The following LRP1B variants were observed in gnomAD, a reference collection of about 807,000 sequenced individuals.
The protein encoded by LRP1B is low-density lipoprotein receptor-related protein 1B.
Under a neutral mutation model 556.6 loss-of-function variants are expected in LRP1B, and 217 were observed. The ratio of observed to expected loss-of-function variants is 0.39; its 90% CI spans 0.35 to 0.44. The LOEUF (loss-of-function observed/expected upper bound fraction) is 0.44, where lower values mean the gene tolerates loss of function less well. Among genes scored for constraint, LRP1B ranks in the 20% least tolerant of loss-of-function variants. The probability of loss-of-function intolerance (pLI) is 1.00; values close to 1 mark genes in which losing one functional copy is unlikely to be tolerated. For missense variants in LRP1B, 5,053 were observed against 5,620.8 expected (o/e 0.90, Z 3.23); for synonymous variants, 2,047 against 1,865.8 (o/e 1.10, Z -2.50).
At chr2:140,532,709 A>G (rs1690753931) in intron 47 of LRP1B, among the ~76,000 whole-genome samples, 1 of 150,860 alleles carries the variant, frequency 6.6e-6, no homozygotes, top group African/African-American at 2.4e-5. Flanking sequence ...TGTTTTTACC[A>G]CTCTCTTATA....
chr2:141,700,831 C>T (rs1486394745), intron 2 of LRP1B, among the ~76,000 whole-genome samples: 2 of 151,772 alleles, frequency 1.3e-5, no homozygotes, highest in Non-Finnish European at 2.9e-5. Context: ...TGAGCTACCA[C>T]ATAATAAAGG....
chr2:140,458,447 G>T (rs16844010), intron 60 of LRP1B, among the ~76,000 whole-genome samples: 2,333 of 152,120 alleles, frequency 0.015, 62 homozygotes, highest in African/African-American at 0.051. Context: ...AGTGGTTTGG[G>T]TTTAAATAAT....
At chr2:141,892,652 C>T (rs943933976) in intron 1 of LRP1B, among the ~76,000 whole-genome samples, 27 of 152,028 alleles carry the variant, frequency 1.8e-4, no homozygotes, top group Non-Finnish European at 3.5e-4. Flanking sequence ...CATACTAACC[C>T]TGGAGGGAAG....
chr2:140,845,316 T>C (rs1692241624), intron 29 of LRP1B, among the ~76,000 whole-genome samples: 1 of 152,250 alleles, frequency 6.6e-6, no homozygotes, highest in African/African-American at 2.4e-5. Flanking sequence ...GAGTCTTCAT[T>C]GAGAACCTAC....
rs118003344 is a variant in LRP1B at position 140,720,574 on chromosome 2, T to C, written c.5759-3758A>G. Among the ~76,000 whole-genome samples the C allele has an allele frequency of 7.4e-3, 1,122 of 152,236 alleles. 42 individuals are homozygous for C. In the East Asian group the frequency reaches 0.11, roughly 15 times the overall value. ...AATGAGAAATATTACATTTTTTAGT[T>C]GGGAGAAAAGTTTTCCCTGGGTATT... On this transcript the variant is annotated intron_variant, in intron 35 of 90. Coordinates refer to ENST00000389484, the MANE Select transcript of LRP1B (RefSeq NM_018557.3).
chr2:141,385,047 G>A (rs539073024), intron 3 of LRP1B, among the ~76,000 whole-genome samples: 13 of 152,216 alleles, frequency 8.5e-5, no homozygotes, highest in Admixed American at 7.9e-4. Context: ...GCTGGACTCG[G>A]GGTACCCGCT....
At chr2:140,668,037 G>A (rs1685340307) in intron 41 of LRP1B, among the ~76,000 whole-genome samples, 1 of 152,110 alleles carries the variant, frequency 6.6e-6, no homozygotes, top group Non-Finnish European at 1.5e-5. Context: ...TATTGGCCAG[G>A]AGCAGTGGCT....
chr2:141,183,617 C>T (rs542359718), intron 7 of LRP1B, among the ~76,000 whole-genome samples: 2 of 152,114 alleles, frequency 1.3e-5, no homozygotes, highest in East Asian at 3.9e-4. Flanking sequence ...ACAAATAAAT[C>T]CTACAGATCA....
intron 1 of LRP1B, among the ~76,000 whole-genome samples, chr2:141,861,877 C>A (rs1177683051): frequency 5.9e-5 from 9 of 151,600 alleles, no homozygotes; most frequent in African/African-American, 2.2e-4. Context: ...TTACAGTGAG[C>A]CAAGATAGTG....
chr2:141,280,683 A>G (rs1406106850), intron 3 of LRP1B, among the ~76,000 whole-genome samples: 1 of 152,012 alleles, frequency 6.6e-6, no homozygotes, highest in Non-Finnish European at 1.5e-5. Context: ...CTACCTAGCA[A>G]ATTTTATTTT....
At chr2:141,636,695 G>A (rs1689118206) in intron 2 of LRP1B, among the ~76,000 whole-genome samples, 1 of 151,928 alleles carries the variant, frequency 6.6e-6, no homozygotes, top group Admixed American at 6.6e-5. Context: ...TCCTACAGTA[G>A]GAGAGTGGCT....
intron 35 of LRP1B, among the ~76,000 whole-genome samples, chr2:140,735,849 C>T (rs1687928658): frequency 6.6e-6 from 1 of 152,072 alleles, no homozygotes; most frequent in African/African-American, 2.4e-5. Flanking sequence ...AGATTATATA[C>T]CAATGCAGCA....
At chr2:140,616,027 T>C (rs954991763) in intron 41 of LRP1B, among the ~76,000 whole-genome samples, 2 of 152,036 alleles carry the variant, frequency 1.3e-5, no homozygotes, top group Non-Finnish European at 2.9e-5. Flanking sequence ...TAAAATTAAG[T>C]TTGGAGCAAT....
chr2:141,260,439 A>G lies in LRP1B; in HGVS notation c.344-5798T>C, dbSNP rs1037511001. 3.3e-5 allele frequency among the ~76,000 whole-genome samples: 5 copies of G among 152,218 alleles called. No individual in the cohort carries two copies. The East Asian group carries it at 9.6e-4, about 29-fold the overall frequency. On this transcript the variant is annotated intron_variant, in intron 3 of 90. Coordinates refer to ENST00000389484, the MANE Select transcript of LRP1B (RefSeq NM_018557.3). ...TATGATTTAGGAAACACATGTAAAT[A>G]AATCATGCTGACCTTCCTTAGAGTG...
intron 2 of LRP1B, among the ~76,000 whole-genome samples, chr2:141,600,885 C>T (rs577852280): frequency 5.9e-5 from 9 of 152,078 alleles, no homozygotes; most frequent in Admixed American, 2.6e-4. Context: ...AGTTGGCATC[C>T]GAACAGAACC....
intron 2 of LRP1B, among the ~76,000 whole-genome samples, chr2:141,637,573 C>T (rs550583086): frequency 4.6e-5 from 7 of 152,168 alleles, no homozygotes; most frequent in Non-Finnish European, 5.9e-5. Context: ...TAAGCTCTCA[C>T]TTCATGTTTG....
Position 140,231,944 on chromosome 2 carries a change from G to A in LRP1B, c.*1242C>T, listed in dbSNP as rs1486961. 0.32 allele frequency: 47,707 copies of A among 151,320 alleles called. 7,790 individuals carry two copies. Among genetic ancestry groups the A allele is most frequent in the East Asian group, 0.43 (2,193 of 5,068 alleles). 9.4% of individuals were successfully genotyped at this position (151,320 alleles called of 1,614,324 possible). On this transcript the variant is annotated 3_prime_UTR_variant, in exon 91 of 91. Coordinates refer to ENST00000389484, the MANE Select transcript of LRP1B (RefSeq NM_018557.3). ...TATACAACTTAAATAAATCGCACTCGTTTCAACTCAAATTTGAAGATAAAC... is the reference window on the plus strand; with the variant it reads ...TATACAACTTAAATAAATCGCACTCATTTCAACTCAAATTTGAAGATAAAC...
intron 18 of LRP1B, among the ~76,000 whole-genome samples, chr2:140,966,433 A>C (rs1311172036): frequency 6.6e-6 from 1 of 152,050 alleles, no homozygotes; most frequent in Admixed American, 6.6e-5. Flanking sequence ...AGTTCTTTGT[A>C]GATTCTGGAT....
At chr2:140,713,756 G>A (rs942008087) in intron 37 of LRP1B, among the ~76,000 whole-genome samples, 1 of 151,902 alleles carries the variant, frequency 6.6e-6, no homozygotes, top group Non-Finnish European at 1.5e-5. Context: ...GATGGCTTTT[G>A]CTTTGTCACT....
Sources: gnomAD v4.1 joint callset for allele counts (sites outside exome capture counted in the v4.1 genomes callset) on GRCh38, gnomAD v4.1.1 for gene constraint, MANE v1.5 for transcripts, NCBI Gene and HGNC (gene_info 2026-07-23, HGNC 2026-07-21) for gene names.